The following NEK11 variants were observed in gnomAD, a reference collection of about 807,000 sequenced individuals.
NEK11 encodes NIMA related kinase 11.
NEK11 carries 72 observed loss-of-function variants against 80.7 expected under a neutral mutation model. The ratio of observed to expected loss-of-function variants is 0.89; its 90% CI spans 0.74 to 1.08. The LOEUF is 1.08. Ranked by LOEUF, NEK11 falls within the 50% of genes least tolerant of loss-of-function variation. The probability of loss-of-function intolerance (pLI) is 0.00; values close to 1 mark genes in which losing one functional copy is unlikely to be tolerated. For synonymous variants in NEK11, 251 were observed against 260.7 expected, an observed-to-expected ratio of 0.96 and a Z score of 0.36; for missense variants, 764 against 763.6, an observed-to-expected ratio of 1.00 and a Z score of -0.01.
At chr3:131,238,479 TAGCC>T (rs1446834119) in intron 15 of NEK11, among the ~76,000 whole-genome samples, 2 of 152,156 alleles carry the variant, frequency 1.3e-5, no homozygotes, top group Non-Finnish European at 2.9e-5. Context: ...GGTAGCCAAT[TAGCC>T]AGGACACAAA....
chr3:131,031,289 C>T (rs1322795599), intron 3 of NEK11, among the ~76,000 whole-genome samples: 2 of 152,284 alleles, frequency 1.3e-5, no homozygotes, highest in East Asian at 3.9e-4. Flanking sequence ...GTCCTTAGAA[C>T]ATGCATTATG....
At chr3:131,325,140 G>A (rs541541431) in intron 17 of NEK11, 5 of 152,194 alleles carry the variant, frequency 3.3e-5, no homozygotes, top group Non-Finnish European at 7.3e-5. Flanking sequence ...CATGTGTGTT[G>A]GGGGAGGGGG....
At chr3:131,337,633 TAATA>T (rs147617176) in intron 17 of NEK11, among the ~76,000 whole-genome samples, 18,988 of 151,072 alleles carry the variant, frequency 0.13, 1,583 homozygotes, top group East Asian at 0.3. Flanking sequence ...AAATTTAAAA[TAATA>T]AATAAATAAA....
chr3:131,251,422 A>G (rs1016781255), intron 16 of NEK11, among the ~76,000 whole-genome samples: 1 of 152,078 alleles, frequency 6.6e-6, no homozygotes, highest in African/African-American at 2.4e-5. Context: ...TGTGCCTGCT[A>G]TTAAGGCTGG....
chr3:131,097,257 G>T (rs2077582153), intron 4 of NEK11, among the ~76,000 whole-genome samples: 2 of 151,792 alleles, frequency 1.3e-5, no homozygotes, highest in Non-Finnish European at 2.9e-5. Flanking sequence ...CCCAGTAATG[G>T]GATGGCTGGG....
intron 16 of NEK11, among the ~76,000 whole-genome samples, chr3:131,271,164 AG>A (rs2096177558): frequency 6.6e-6 from 1 of 152,164 alleles, no homozygotes; most frequent in African/African-American, 2.4e-5. Context: ...CAGGTGTGGA[AG>A]GGGCAATCTC....
intron 14 of NEK11, among the ~76,000 whole-genome samples, chr3:131,223,388 C>T (rs781291462): frequency 5.9e-5 from 9 of 152,170 alleles, no homozygotes; most frequent in Non-Finnish European, 8.8e-5. Context: ...TCCCTGGCCA[C>T]TTCTTTCCTT....
chr3:131,217,278 T>C (rs145468952), intron 14 of NEK11, among the ~76,000 whole-genome samples: 36 of 151,778 alleles, frequency 2.4e-4, no homozygotes, highest in African/African-American at 8.2e-4. Context: ...ATCAGAAGAG[T>C]CAGTTTTTTT....
chr3:131,152,461 G>T lies in NEK11; in HGVS notation c.721G>T (p.Val241Phe). The T allele has an allele frequency of 6.2e-7, 1 of 1,613,844 alleles. No homozygotes were observed. The highest frequency in any genetic ancestry group is 8.5e-7 in the Non-Finnish European group (1 of 1,179,866). The change falls in exon 8 of 18, where the codon GTT becomes TTT. Residue 241 changes from valine (V) to phenylalanine (F), a missense_variant. By Grantham distance (50) the Val-to-Phe change is conservative. Transcript: ENST00000383366. Reference protein sequence around the residue: ...AFAGSNFLSIVLKIVEGDTPS... With the variant: ...AFAGSNFLSIFLKIVEGDTPS... ...CGCTGGCTCCAATTTCTTATCCATT[G>T]TTTTAAAAATTGTTGAAGGTGACAC...
chr3:131,206,036 C>A (rs2094432010), intron 14 of NEK11, among the ~76,000 whole-genome samples: 2 of 152,198 alleles, frequency 1.3e-5, no homozygotes, highest in South Asian at 4.1e-4. Flanking sequence ...AATCTCTGAG[C>A]CCCTTAGTGC....
chr3:131,181,080 T>C (rs752682308), intron 14 of NEK11, among the ~76,000 whole-genome samples: 2 of 152,202 alleles, frequency 1.3e-5, no homozygotes, highest in Admixed American at 6.5e-5. Context: ...CCTGTGAATA[T>C]GTTAAGTTAC....
At chr3:131,243,085 A>G (rs1386608789) in intron 15 of NEK11, among the ~76,000 whole-genome samples, 1 of 152,184 alleles carries the variant, frequency 6.6e-6, no homozygotes, top group Non-Finnish European at 1.5e-5. Context: ...AATAGCATTT[A>G]CTATGTTTAT....
chr3:131,053,036 G>A (rs1577488766), intron 3 of NEK11, among the ~76,000 whole-genome samples: 1 of 152,040 alleles, frequency 6.6e-6, no homozygotes, highest in Non-Finnish European at 1.5e-5. Flanking sequence ...ACTCTTATTA[G>A]CATTAATGTA....
intron 14 of NEK11, among the ~76,000 whole-genome samples, chr3:131,215,662 G>T (rs1305963984): frequency 1.3e-5 from 2 of 152,146 alleles, no homozygotes; most frequent in Admixed American, 6.5e-5. Flanking sequence ...GAGGCTTAGG[G>T]CTGGGGTGCG....
chr3:131,055,494 G>A (rs2069292173), intron 3 of NEK11, among the ~76,000 whole-genome samples: 1 of 152,148 alleles, frequency 6.6e-6, no homozygotes, highest in African/African-American at 2.4e-5. Context: ...TTAGCACTTT[G>A]GGAGGCTGAT....
intron 17 of NEK11, among the ~76,000 whole-genome samples, chr3:131,294,901 T>C (rs2096577671): frequency 6.6e-6 from 1 of 152,180 alleles, no homozygotes; most frequent in Non-Finnish European, 1.5e-5. Context: ...CTCCCCTTGA[T>C]TTCTTTTAAT....
intron 17 of NEK11, among the ~76,000 whole-genome samples, chr3:131,296,495 A>G (rs2096594547): frequency 6.6e-6 from 1 of 152,142 alleles, no homozygotes; most frequent in Non-Finnish European, 1.5e-5. Context: ...CAGGTCTCCT[A>G]GCAACAAATT....
At chr3:131,250,332 CAGAGA>C (rs2095676814) in intron 16 of NEK11, among the ~76,000 whole-genome samples, 1 of 151,818 alleles carries the variant, frequency 6.6e-6, no homozygotes, top group Non-Finnish European at 1.5e-5. Context: ...TATAAAGTAT[CAGAGA>C]AAAGAGTGGT....
intron 11 of NEK11, among the ~76,000 whole-genome samples, chr3:131,164,198 A>G (rs2674621): frequency 0.09 from 13,754 of 152,232 alleles, 1,139 homozygotes; most frequent in East Asian, 0.43. Context: ...GTGCTGGTAA[A>G]TATTTAACAA....
Sources: gnomAD v4.1 joint callset for allele counts (sites outside exome capture counted in the v4.1 genomes callset) on GRCh38, gnomAD v4.1.1 for gene constraint, MANE v1.5 for transcripts, NCBI Gene and HGNC (gene_info 2026-07-23, HGNC 2026-07-21) for gene names.